The following PRMT1 variants were observed in gnomAD, a reference collection of about 807,000 sequenced individuals.
The protein encoded by PRMT1 is protein arginine methyltransferase 1.
Under a neutral mutation model 47.4 loss-of-function variants are expected in PRMT1, and 5 were observed. The ratio of observed to expected loss-of-function variants is 0.11; its 90% CI spans 0.06 to 0.22. PRMT1 has a LOEUF of 0.22. Among genes scored for constraint, PRMT1 ranks in the 10% least tolerant of loss-of-function variants. PRMT1 has a pLI of 1.00. For missense variants in PRMT1, 249 were observed against 518.4 expected (o/e 0.48, Z 5.05); for synonymous variants, 227 against 204.6 (o/e 1.11, Z -0.94).
rs929846304 is a variant in PRMT1, at chr19:49,680,703, C to A, written c.192+115C>A. On this transcript the variant is annotated intron_variant, in intron 3 of 10. Coordinates refer to ENST00000454376, the MANE Select transcript of PRMT1 (RefSeq NM_001536.6). The surrounding 1 kb of genome is among the most constrained non-coding windows in gnomAD (Gnocchi z 4.2). ...GCTTCCCCTGGCCGCAGGCCGCCCCCCTGCCCCTCTGCTGCGCACTTCCTA... is the reference window on the plus strand; with the variant it reads ...GCTTCCCCTGGCCGCAGGCCGCCCCACTGCCCCTCTGCTGCGCACTTCCTA... The A allele has an allele frequency of 1.2e-6, 1 of 851,420 alleles. No homozygotes were observed. The highest frequency in any genetic ancestry group is 1.9e-6 in the Non-Finnish European group (1 of 531,388). 52.7% of individuals were successfully genotyped at this position (851,420 alleles called of 1,614,324 possible). A position where few individuals can be genotyped will look rare whatever the true frequency, so the allele number is the denominator to read the frequency against.
At position 49,680,415 on chromosome 19, in the gene PRMT1, AG is replaced by A; in HGVS notation, c.91-69del. ...TCTATACTACTCTTCAGGGAAAAGT[AG>A]GGCGCTGGAGGTTTAAGAGGCTGTG... On this transcript the variant is annotated intron_variant, in intron 2 of 10. Coordinates refer to ENST00000454376, the MANE Select transcript of PRMT1 (RefSeq NM_001536.6). This position sits in a 1 kb window ranked among gnomAD's most constrained non-coding sequence, Gnocchi z 4.2. 2 of 1,293,970 alleles carry A rather than the reference AG, an allele frequency of 1.5e-6. No individual in the cohort carries two copies. The highest frequency in any genetic ancestry group is 4.6e-5 in the East Asian group (2 of 43,060). The allele number at this position is 1,293,970 out of a possible 1,614,324, so 80.2% of individuals were successfully genotyped here. A position where few individuals can be genotyped will look rare whatever the true frequency, so the allele number is the denominator to read the frequency against.
rs1399273005 is a variant in PRMT1 at position 49,680,272 on chromosome 19, G to C, written c.91-215G>C. On this transcript the variant is annotated intron_variant, in intron 2 of 10. Transcript: ENST00000454376. This position sits in a 1 kb window ranked among gnomAD's most constrained non-coding sequence, Gnocchi z 4.2. ...GGCTGAGGTATCGGGGTGCTCCCCT[G>C]GATGGTGCTCTGGGGGGGTCCTGGA... 1 of 1,511,930 alleles carries C rather than the reference G, an allele frequency of 6.6e-7. No homozygotes were observed. The allele number at this position is 1,511,930 out of a possible 1,614,324, so 93.7% of individuals were successfully genotyped here. A position where few individuals can be genotyped will look rare whatever the true frequency, so the allele number is the denominator to read the frequency against.
rs2082174454 is a variant in PRMT1, at chr19:49,684,487, TGGAGG to T, written c.556-266_556-262del. Among the ~76,000 whole-genome samples, 1 of 152,032 alleles carries T rather than the reference TGGAGG, an allele frequency of 6.6e-6. No homozygotes were observed. The highest frequency in any genetic ancestry group is 2.4e-5 in the African/African-American group (1 of 41,386). ...GGTGACAGGGCGTGTGCAGATTTTGTGGAGGCTTATGGGACCCCGTGCTTTTCCTC... is the reference window on the plus strand; with the variant it reads ...GGTGACAGGGCGTGTGCAGATTTTGTCTTATGGGACCCCGTGCTTTTCCTC... On this transcript the variant is annotated intron_variant, in intron 6 of 10. Transcript: ENST00000454376. This position sits in a 1 kb window ranked among gnomAD's most constrained non-coding sequence, Gnocchi z 6.2.
rs182621556 is a variant in PRMT1, at chr19:49,683,774, T to C, written c.413-153T>C. On this transcript the variant is annotated intron_variant, in intron 5 of 10. Transcript: ENST00000454376. The stretch of plus-strand genomic sequence containing the variant: ...CCTGCCTCAAAAATGTCCAGAACGA[T>C]GTATGAATTTTAAAACTGTTAGAAG... The C allele has an allele frequency of 1.7e-4, 131 of 766,496 alleles. No individual in the cohort carries two copies. The African/African-American group carries it at 2.0e-3, about 12-fold the overall frequency. The allele number at this position is 766,496 out of a possible 1,614,324, so 47.5% of individuals were successfully genotyped here. A position where few individuals can be genotyped will look rare whatever the true frequency, so the allele number is the denominator to read the frequency against.
rs1459872892 is a variant in PRMT1 at position 49,681,054 on chromosome 19, C to T, written c.192+466C>T. 6.6e-6 allele frequency among the ~76,000 whole-genome samples: 1 copy of T among 152,178 alleles called. No homozygotes were observed. Among genetic ancestry groups the T allele is most frequent in the Non-Finnish European group, 1.5e-5 (1 of 68,028 alleles). On this transcript the variant is annotated intron_variant, in intron 3 of 10. Coordinates refer to ENST00000454376, the MANE Select transcript of PRMT1 (RefSeq NM_001536.6). The surrounding 1 kb of genome is among the most constrained non-coding windows in gnomAD (Gnocchi z 4.4). ...TTGTGGCAAAATATGCATAAAATTG[C>T]CATTTTTTATTTTTAGAGACGGTCT...
At chr19:49,682,150 G>T (rs2082128259) in intron 4 of PRMT1, 46 bp from the exon 5 acceptor site, 4 of 1,613,602 alleles carry the variant, frequency 2.5e-6, no homozygotes, top group Non-Finnish European at 2.5e-6. Flanking sequence ...TGGAGGTGAT[G>T]GGGGCAGGGG....
chr19:49,685,974 G>A lies in PRMT1; in HGVS notation c.760-119G>A, dbSNP rs1490321467. 2.0e-6 allele frequency: 3 copies of A among 1,494,056 alleles called. No individual in the cohort carries two copies. In the African/African-American group the frequency reaches 4.2e-5, roughly 21 times the overall value. 92.5% of individuals were successfully genotyped at this position (1,494,056 alleles called of 1,614,324 possible). A position where few individuals can be genotyped will look rare whatever the true frequency, so the allele number is the denominator to read the frequency against. On this transcript the variant is annotated intron_variant, in intron 8 of 10. Transcript: ENST00000454376. The surrounding 1 kb of genome is among the most constrained non-coding windows in gnomAD (Gnocchi z 4.7). ...AGGAGCCGAGGCTGGGTGCCAGTGAGGGAGGGCTAGCAGGAAGGGGACAGC... is the reference window on the plus strand; with the variant it reads ...AGGAGCCGAGGCTGGGTGCCAGTGAAGGAGGGCTAGCAGGAAGGGGACAGC...
At chr19:49,686,268 G>C (rs750945417) in intron 9 of PRMT1, 25 bp downstream of exon 9, 1 of 1,569,582 alleles carries the variant, frequency 6.4e-7, no homozygotes, top group East Asian at 2.4e-5. Context: ...ACAGGGCTGG[G>C]GGCCGTTCCC....
At position 49,680,019 on chromosome 19, in the gene PRMT1, C is replaced by G; in HGVS notation, c.90+94C>G. 3 of 1,348,456 alleles carry G rather than the reference C, an allele frequency of 2.2e-6. No individual in the cohort carries two copies. Among genetic ancestry groups the G allele is most frequent in the Non-Finnish European group, 1.0e-6 (1 of 960,498 alleles). The allele number at this position is 1,348,456 out of a possible 1,614,324, so 83.5% of individuals were successfully genotyped here. A position where few individuals can be genotyped will look rare whatever the true frequency, so the allele number is the denominator to read the frequency against. ...GCCCTTTCTTGAGGTCTAACCATAC[C>G]CCTCTTGCTTCAAACCAGTTTACCC... On this transcript the variant is annotated intron_variant, in intron 2 of 10. Coordinates refer to ENST00000454376, the MANE Select transcript of PRMT1 (RefSeq NM_001536.6). The surrounding 1 kb of genome is among the most constrained non-coding windows in gnomAD (Gnocchi z 4.2).
rs1043828611 is a variant in PRMT1 at position 49,684,602 on chromosome 19, G to A, written c.556-152G>A. On this transcript the variant is annotated intron_variant, in intron 6 of 10. Transcript: ENST00000454376. The surrounding 1 kb of genome is among the most constrained non-coding windows in gnomAD (Gnocchi z 6.2). ...GGGGTGCCCCTGGGTGCCCTCTGGC[G>A]GCCGTGTGGGAAATAGACCAGGGGG... The A allele has an allele frequency of 2.0e-5, 18 of 919,192 alleles. No individual in the cohort carries two copies. The highest frequency in any genetic ancestry group is 8.1e-5 in the East Asian group (3 of 37,150). The allele number at this position is 919,192 out of a possible 1,614,324, so 56.9% of individuals were successfully genotyped here.
In PRMT1 at chr19:49,685,230, T is replaced by G; in HGVS notation, c.759+193T>G. 1 of 1,510,984 alleles carries G rather than the reference T, an allele frequency of 6.6e-7. No homozygotes were observed. Among genetic ancestry groups the G allele is most frequent in the Non-Finnish European group, 8.8e-7 (1 of 1,132,352 alleles). The allele number at this position is 1,510,984 out of a possible 1,614,324, so 93.6% of individuals were successfully genotyped here. A position where few individuals can be genotyped will look rare whatever the true frequency, so the allele number is the denominator to read the frequency against. ...AAATATCTTTGTGAGCGCTGCTGTG[T>G]GAGAACCATGCTTGGCACTTGGCTT... On this transcript the variant is annotated intron_variant, in intron 8 of 10. Transcript: ENST00000454376. This position sits in a 1 kb window ranked among gnomAD's most constrained non-coding sequence, Gnocchi z 4.7.
intron 5 of PRMT1, 21 bp from the exon 6 acceptor site, chr19:49,683,906 G>A (rs769443530): frequency 6.8e-6 from 11 of 1,608,138 alleles, no homozygotes; most frequent in South Asian, 5.5e-5. Context: ...GGCTGACGTG[G>A]CCACCCTTGT....
Position 49,688,315 on chromosome 19 carries a change from C to T in PRMT1, c.*70C>T. ...CTAGGCGGTTTCGGGGCTCCCCCTT[C>T]CTCTCCCTCCCTCCCGCAGAAGGGG... is the stretch of plus-strand genomic sequence containing the variant. On this transcript the variant is annotated 3_prime_UTR_variant, in exon 11 of 11. Transcript: ENST00000454376. The surrounding 1 kb of genome is among the most constrained non-coding windows in gnomAD (Gnocchi z 5.3). 1.4e-6 allele frequency: 2 copies of T among 1,461,312 alleles called. No individual in the cohort carries two copies. Among genetic ancestry groups the T allele is most frequent in the Non-Finnish European group, 1.9e-6 (2 of 1,047,406 alleles). The allele number at this position is 1,461,312 out of a possible 1,614,324, so 90.5% of individuals were successfully genotyped here. A position where few individuals can be genotyped will look rare whatever the true frequency, so the allele number is the denominator to read the frequency against.
At position 49,680,152 on chromosome 19, in the gene PRMT1, T is replaced by C; in HGVS notation, c.90+227T>C. On this transcript the variant is annotated intron_variant, in intron 2 of 10. Transcript: ENST00000454376. The surrounding 1 kb of genome is among the most constrained non-coding windows in gnomAD (Gnocchi z 4.2). ...CTCCACCTCCAACCCCCCTTTGCCC[T>C]TCCCTGTGTCTGCCCCCATTTTCCT... 2.7e-6 allele frequency: 4 copies of C among 1,481,008 alleles called. No individual in the cohort carries two copies. The East Asian group carries it at 1.0e-4, about 38-fold the overall frequency. 91.7% of individuals were successfully genotyped at this position (1,481,008 alleles called of 1,614,324 possible). A position where few individuals can be genotyped will look rare whatever the true frequency, so the allele number is the denominator to read the frequency against.
chr19:49,678,468 G>C (rs915632366), intron 1 of PRMT1, among the ~76,000 whole-genome samples: 4 of 152,136 alleles, frequency 2.6e-5, no homozygotes, highest in Non-Finnish European at 4.4e-5. Flanking sequence ...TGAGAAATAG[G>C]CCCGAGTGGG....
chr19:49,677,010 T>C (rs531963150), upstream of PRMT1: 29 of 382,198 alleles, frequency 7.6e-5, no homozygotes, highest in Non-Finnish European at 9.7e-5. Flanking sequence ...GTCGCGCTTC[T>C]TGCAATAGAC....
In PRMT1 at chr19:49,679,178, C is replaced by T. The variant is rs559458393; in HGVS notation, c.37-694C>T. On this transcript the variant is annotated intron_variant, in intron 1 of 10. Coordinates refer to ENST00000454376, the MANE Select transcript of PRMT1 (RefSeq NM_001536.6). ...GGATTGCAGGTGTGAGCCACCGTGCCCCCAAGCCACTTTCTGGAGTCCTCT... is the reference window on the plus strand; with the variant it reads ...GGATTGCAGGTGTGAGCCACCGTGCTCCCAAGCCACTTTCTGGAGTCCTCT... Among the ~76,000 whole-genome samples, 12 of 152,260 alleles carry T rather than the reference C, an allele frequency of 7.9e-5. No homozygotes were observed. In the East Asian group the frequency reaches 2.3e-3, roughly 29 times the overall value.
intron 10 of PRMT1, chr19:49,687,942 T>C (rs2123023340): frequency 1.7e-6 from 1 of 602,366 alleles, no homozygotes; most frequent in Non-Finnish European, 3.0e-6. Flanking sequence ...GCAGCTGGGC[T>C]CTACTCCTGA....
chr19:49,680,094 T>G lies in PRMT1; in HGVS notation c.90+169T>G. ...ACCCCTCCAGGTTCACAGCCCCCGC[T>G]GGCCTCCCCCAGTATCGCCGCTACT... On this transcript the variant is annotated intron_variant, in intron 2 of 10. Coordinates refer to ENST00000454376, the MANE Select transcript of PRMT1 (RefSeq NM_001536.6). This position sits in a 1 kb window ranked among gnomAD's most constrained non-coding sequence, Gnocchi z 4.2. 9.3e-7 allele frequency: 1 copy of G among 1,080,678 alleles called. No homozygotes were observed. Among genetic ancestry groups the G allele is most frequent in the South Asian group, 1.4e-5 (1 of 71,718 alleles). The allele number at this position is 1,080,678 out of a possible 1,614,324, so 66.9% of individuals were successfully genotyped here.
Sources: allele counts gnomAD v4.1 joint callset (sites outside exome capture counted in the v4.1 genomes callset), GRCh38; gene constraint gnomAD v4.1.1; non-coding constraint Gnocchi (gnomAD v3.1); transcripts MANE v1.5; gene names NCBI Gene and HGNC (gene_info 2026-07-23, HGNC 2026-07-21).